Variants in VPS13A observed in about 807,000 individuals in gnomAD.
VPS13A encodes the protein vacuolar protein sorting 13 homolog A.
VPS13A carries 264 observed loss-of-function variants against 390.9 expected under a neutral mutation model. The ratio of observed to expected loss-of-function variants is 0.68; its 90% CI spans 0.61 to 0.75. VPS13A has a LOEUF of 0.75. Ranked by LOEUF, VPS13A falls within the 30% of genes least tolerant of loss-of-function variation. The pLI, the probability that VPS13A is intolerant of heterozygous loss-of-function variation, is 0.00. For synonymous variants in VPS13A, 1,231 were observed against 1,227.1 expected, an observed-to-expected ratio of 1.00 and a Z score of -0.07; for missense variants, 3,409 against 3,733.9, an observed-to-expected ratio of 0.91 and a Z score of 2.27.
chr9:77,408,414 C>G (rs142632821), intron 71 of VPS13A, among the ~76,000 whole-genome samples: 4,238 of 152,314 alleles, frequency 0.028, 85 homozygotes, highest in Non-Finnish European at 0.039. Flanking sequence ...GTACTGGGTT[C>G]ATGTCACTGG....
chr9:77,200,185 T>G (rs1271307050), intron 2 of VPS13A, among the ~76,000 whole-genome samples, 197 bp downstream of exon 2: 3 of 152,118 alleles, frequency 2.0e-5, no homozygotes, highest in African/African-American at 7.2e-5. Context: ...TTTTTCTATT[T>G]AAAAATACAT....
intron 33 of VPS13A, among the ~76,000 whole-genome samples, chr9:77,300,117 T>C (rs984147658): frequency 1.9e-4 from 29 of 152,220 alleles, no homozygotes; most frequent in African/African-American, 6.3e-4. Flanking sequence ...TGTTTTGTGC[T>C]GTAAATAGCT....
intron 67 of VPS13A, among the ~76,000 whole-genome samples, chr9:77,374,236 C>A (rs987305703): frequency 7.2e-5 from 11 of 152,106 alleles, no homozygotes; most frequent in African/African-American, 2.7e-4. Context: ...CCTATATATA[C>A]TGTGTTTTCT....
At chr9:77,382,288 A>C in intron 68 of VPS13A, 2 of 1,528,422 alleles carry the variant, frequency 1.3e-6, no homozygotes, top group African/African-American at 2.8e-5. Flanking sequence ...GGCATCAAAA[A>C]GTTTGATATG....
chr9:77,182,635 A>G (rs1589961568), intron 1 of VPS13A, among the ~76,000 whole-genome samples: 1 of 152,204 alleles, frequency 6.6e-6, no homozygotes, highest in African/African-American at 2.4e-5. Flanking sequence ...GGCTTGTGTG[A>G]TAGAATTATC....
At chr9:77,319,714 G>A (rs1479869962) in intron 42 of VPS13A, 41 bp downstream of exon 42, 14 of 1,013,886 alleles carry the variant, frequency 1.4e-5, no homozygotes, top group Admixed American at 1.1e-4. Flanking sequence ...ATATATATAT[G>A]TATTTTAAAA....
At chr9:77,177,972 C>T (rs984504897) in intron 1 of VPS13A, 168 bp downstream of exon 1, 3 of 607,598 alleles carry the variant, frequency 4.9e-6, no homozygotes, top group African/African-American at 3.7e-5. Flanking sequence ...CGGCAGTTCC[C>T]TGGCCTCCGC....
At chr9:77,222,679 T>G (rs1286157916) in intron 13 of VPS13A, among the ~76,000 whole-genome samples, 3 of 152,154 alleles carry the variant, frequency 2.0e-5, no homozygotes, top group Non-Finnish European at 4.4e-5. Flanking sequence ...AACTGTTTCA[T>G]TATTATTATA....
rs189728967 is a variant in VPS13A, at chr9:77,385,930, A to G, written c.9189+3843A>G. On this transcript the variant is annotated intron_variant, in intron 68 of 71. Transcript: ENST00000360280. ...ATTACTGCAAAAAAAACTGAAAAAAATCAGCTTTTTTGAAATTTCTTCCTA... is the reference window on the plus strand; with the variant it reads ...ATTACTGCAAAAAAAACTGAAAAAAGTCAGCTTTTTTGAAATTTCTTCCTA... Among the ~76,000 whole-genome samples the G allele has an allele frequency of 1.6e-3, 245 of 152,302 alleles. 1 individual carries two copies. Among genetic ancestry groups the G allele is most frequent in the Non-Finnish European group, 2.5e-3 (170 of 67,994 alleles).
chr9:77,408,966 G>A (rs1251622401), intron 71 of VPS13A, among the ~76,000 whole-genome samples: 3 of 152,222 alleles, frequency 2.0e-5, no homozygotes, highest in African/African-American at 4.8e-5. Flanking sequence ...CCAGCACACA[G>A]CTGGACATCT....
At chr9:77,223,055 C>A in intron 13 of VPS13A, among the ~76,000 whole-genome samples, 1 of 152,258 alleles carries the variant, frequency 6.6e-6, no homozygotes, top group East Asian at 1.9e-4. Context: ...AATCTTCCAC[C>A]GTGTGGCTAC....
intron 68 of VPS13A, chr9:77,385,333 G>A (rs1490244416): frequency 2.7e-6 from 1 of 370,172 alleles, no homozygotes; most frequent in Admixed American, 6.5e-5. Context: ...TTATGTCTTT[G>A]CTTTACTTTT....
intron 9 of VPS13A, among the ~76,000 whole-genome samples, chr9:77,214,073 C>A (rs886442593): frequency 2.8e-4 from 42 of 151,916 alleles, no homozygotes; most frequent in African/African-American, 9.4e-4. Context: ...GTCAAGAGTT[C>A]AAGACCAGCA....
At chr9:77,235,983 C>G (rs1401893487) in intron 17 of VPS13A, among the ~76,000 whole-genome samples, 1 of 152,114 alleles carries the variant, frequency 6.6e-6, no homozygotes, top group Non-Finnish European at 1.5e-5. Context: ...ATTACATAAG[C>G]TATTTAACAT....
chr9:77,351,226 A>G, intron 52 of VPS13A, 91 bp from the exon 53 acceptor site: 1 of 1,520,916 alleles, frequency 6.6e-7, no homozygotes, highest in South Asian at 1.1e-5. Flanking sequence ...ATCTCAGTGA[A>G]CTAAGAATTA....
intron 19 of VPS13A, among the ~76,000 whole-genome samples, chr9:77,246,373 T>C (rs952829347): frequency 7.9e-5 from 12 of 152,194 alleles, no homozygotes; most frequent in African/African-American, 2.9e-4. Flanking sequence ...TACATTAAAA[T>C]TGTTGACATA....
At chr9:77,404,407 C>T (rs1834507204) in intron 69 of VPS13A, among the ~76,000 whole-genome samples, 1 of 152,078 alleles carries the variant, frequency 6.6e-6, no homozygotes, top group African/African-American at 2.4e-5. Flanking sequence ...AAATTCCTGC[C>T]TAATATTTAT....
intron 67 of VPS13A, among the ~76,000 whole-genome samples, chr9:77,372,840 AACAG>A (rs1455853285): frequency 1.3e-5 from 2 of 152,160 alleles, no homozygotes; most frequent in Non-Finnish European, 2.9e-5. Flanking sequence ...ATACACCAAC[AACAG>A]ACAAACAGAG....
rs1168343737 is a variant in VPS13A, at chr9:77,339,817, A to G, written c.6680A>G (p.Tyr2227Cys). Residue 2227 changes from tyrosine to cysteine, a missense_variant, in exon 48 of 72, where the codon TAC becomes TGC. This residue lies in a region of VPS13A where 2,717 missense variants were observed against 2,917.4 expected (regional missense o/e 0.93). Coordinates refer to ENST00000360280, the MANE Select transcript of VPS13A (RefSeq NM_033305.3). ...MVNKTGRMLQYKADGIHRKHP... is the reference protein window; with the variant it reads ...MVNKTGRMLQCKADGIHRKHP... The stretch of plus-strand genomic sequence containing the variant: ...AATAAAACTGGCCGCATGTTACAGT[A>G]CAAAGCAGACGGAATTCATCGAAAG... 18 of 1,613,972 alleles carry G rather than the reference A, an allele frequency of 1.1e-5. No homozygotes were observed. Among genetic ancestry groups the G allele is most frequent in the African/African-American group, 2.7e-5 (2 of 74,938 alleles).
Sources: gnomAD v4.1 joint callset for allele counts (sites outside exome capture counted in the v4.1 genomes callset) on GRCh38, gnomAD v4.1.1 for gene constraint, gnomAD v4.1.1 regional missense constraint, MANE v1.5 for transcripts, NCBI Gene and HGNC (gene_info 2026-07-23, HGNC 2026-07-21) for gene names.